The following NPAS3 variants were observed in gnomAD, a reference collection of about 807,000 sequenced individuals.
The protein encoded by NPAS3 is neuronal PAS domain-containing protein 3.
NPAS3 carries 14 observed loss-of-function variants against 73.1 expected under a neutral mutation model. The observed-to-expected ratio is 0.19, with a 90% CI of 0.13 to 0.30. The LOEUF (loss-of-function observed/expected upper bound fraction) is 0.30. Ranked by LOEUF, NPAS3 falls within the 10% of genes least tolerant of loss-of-function variation. The probability of loss-of-function intolerance (pLI) is 1.00; values close to 1 mark genes in which losing one functional copy is unlikely to be tolerated. For synonymous variants in NPAS3, 620 were observed against 541.5 expected, an observed-to-expected ratio of 1.14 and a Z score of -2.01; for missense variants, 1,096 against 1,250.0, an observed-to-expected ratio of 0.88 and a Z score of 1.86.
chr14:33,419,765 T>C (rs2048299052), intron 4 of NPAS3, among the ~76,000 whole-genome samples: 1 of 151,886 alleles, frequency 6.6e-6, no homozygotes, highest in Non-Finnish European at 1.5e-5. Context: ...GTTTGTCTTA[T>C]ATTGATGATG....
intron 2 of NPAS3, among the ~76,000 whole-genome samples, chr14:33,206,460 T>G (rs1232613965): frequency 6.6e-6 from 1 of 152,060 alleles, no homozygotes; most frequent in Non-Finnish European, 1.5e-5. Context: ...GGGATGGGTG[T>G]AGAAAGTTGG....
intron 2 of NPAS3, among the ~76,000 whole-genome samples, chr14:33,116,101 G>A (rs2043057024): frequency 6.6e-6 from 1 of 151,938 alleles, no homozygotes; most frequent in African/African-American, 2.4e-5. Context: ...TAAGCTACTT[G>A]GGTGCCTTTT....
At chr14:33,280,146 G>GGGTACCTGTCCAGGGACC (rs1197704907) in intron 3 of NPAS3, among the ~76,000 whole-genome samples, 8 of 152,014 alleles carry the variant, frequency 5.3e-5, no homozygotes, top group African/African-American at 1.7e-4. Context: ...CCTTGGTAGT[G>GGGTACCTGTCCAGGGACC]GGTACCTGTC....
chr14:33,446,095 A>T (rs1401999150), intron 4 of NPAS3, among the ~76,000 whole-genome samples: 5 of 149,338 alleles, frequency 3.3e-5, no homozygotes, highest in Non-Finnish European at 7.4e-5. Context: ...CATCAACCCC[A>T]CTGAAATCTT....
intron 5 of NPAS3, among the ~76,000 whole-genome samples, chr14:33,579,436 G>C (rs1317494064): frequency 1.3e-5 from 2 of 152,158 alleles, no homozygotes; most frequent in Non-Finnish European, 2.9e-5. Context: ...TCATATTTCA[G>C]TTCCTCAGGA....
At chr14:33,779,908 G>A (rs1220024243) in intron 9 of NPAS3, among the ~76,000 whole-genome samples, 1 of 152,230 alleles carries the variant, frequency 6.6e-6, no homozygotes, top group African/African-American at 2.4e-5. Flanking sequence ...AGCCAGCCAA[G>A]TGGCCTTTGT....
intron 5 of NPAS3, among the ~76,000 whole-genome samples, chr14:33,590,341 T>A (rs1321141412): frequency 2.0e-5 from 3 of 152,160 alleles, no homozygotes; most frequent in Non-Finnish European, 2.9e-5. Context: ...TCAGTATTTA[T>A]ACAAATATAT....
At chr14:33,121,864 C>T (rs941798157) in intron 2 of NPAS3, among the ~76,000 whole-genome samples, 1 of 152,086 alleles carries the variant, frequency 6.6e-6, no homozygotes, top group Non-Finnish European at 1.5e-5. Flanking sequence ...TTGATTATAC[C>T]TCACGTGGAA....
chr14:32,996,595 G>T (rs1218732436), intron 1 of NPAS3, among the ~76,000 whole-genome samples: 1 of 152,136 alleles, frequency 6.6e-6, no homozygotes, highest in African/African-American at 2.4e-5. Flanking sequence ...GGCTGAAAGG[G>T]GCCAGTGTAG....
At chr14:33,131,310 T>G (rs1294121598) in intron 2 of NPAS3, among the ~76,000 whole-genome samples, 2 of 152,174 alleles carry the variant, frequency 1.3e-5, no homozygotes, top group Admixed American at 1.3e-4. Flanking sequence ...TATTCTAGAT[T>G]TATTGATAAT....
intron 1 of NPAS3, among the ~76,000 whole-genome samples, chr14:32,959,336 G>T (rs28497439): frequency 0.38 from 58,347 of 152,034 alleles, 11,683 homozygotes; most frequent in Middle Eastern, 0.51. Flanking sequence ...ATTTAATACA[G>T]TTGTGAGGGT....
chr14:33,796,483 G>T (rs1040778691), intron 10 of NPAS3, among the ~76,000 whole-genome samples: 1 of 152,188 alleles, frequency 6.6e-6, no homozygotes, highest in East Asian at 1.9e-4. Flanking sequence ...AGTAGTTACT[G>T]AAACAGTGAC....
intron 5 of NPAS3, among the ~76,000 whole-genome samples, chr14:33,633,470 T>C (rs551860903): frequency 1.3e-5 from 2 of 152,302 alleles, no homozygotes; most frequent in African/African-American, 2.4e-5. Context: ...GGGAACATCA[T>C]AGAGTGTAGT....
At chr14:33,337,477 C>G (rs554024906) in intron 3 of NPAS3, among the ~76,000 whole-genome samples, 2 of 152,048 alleles carry the variant, frequency 1.3e-5, no homozygotes, top group Non-Finnish European at 2.9e-5. Flanking sequence ...ACCACTTTGT[C>G]TTGATTTCTG....
At chr14:33,611,995 C>T (rs1567053590) in intron 5 of NPAS3, among the ~76,000 whole-genome samples, 1 of 152,148 alleles carries the variant, frequency 6.6e-6, no homozygotes, top group Non-Finnish European at 1.5e-5. Flanking sequence ...GGAAACTGGG[C>T]AGCCTGGCCC....
chr14:33,615,071 A>G (rs1161229973), intron 5 of NPAS3, among the ~76,000 whole-genome samples: 1 of 152,166 alleles, frequency 6.6e-6, no homozygotes, highest in Non-Finnish European at 1.5e-5. Context: ...ATTCTAGGTG[A>G]CAGGAGCATG....
At chr14:33,207,251 ACACACACACACACAC>A (rs2046859998) in intron 2 of NPAS3, among the ~76,000 whole-genome samples, 5 of 39,896 alleles carry the variant, frequency 1.3e-4, no homozygotes, top group Non-Finnish European at 2.5e-4. Context: ...ACACACACAC[ACACACACACACACAC>A]GCACACACAC....
intron 3 of NPAS3, among the ~76,000 whole-genome samples, chr14:33,222,661 C>A (rs1448026108): frequency 6.6e-6 from 1 of 152,138 alleles, no homozygotes; most frequent in Non-Finnish European, 1.5e-5. Flanking sequence ...CATCTTATTC[C>A]TTTTTATATC....
In NPAS3 at chr14:33,367,146, A is replaced by G. The variant is rs374097384; in HGVS notation, c.386-40A>G. On this transcript the variant is annotated intron_variant, in intron 3 of 11. Transcript: ENST00000356141. The stretch of plus-strand genomic sequence containing the variant: ...GCTGAAGATATGAATCAGAGCTCCA[A>G]CTTAATTGTTCTGTTTTCTTTCTTT... 19 of 804,282 alleles carry G rather than the reference A, an allele frequency of 2.4e-5. No individual in the cohort carries two copies. The African/African-American group carries it at 2.9e-4, about 12-fold the overall frequency. The allele number at this position is 804,282 out of a possible 1,614,324, so 49.8% of individuals were successfully genotyped here. A position where few individuals can be genotyped will look rare whatever the true frequency, so the allele number is the denominator to read the frequency against.
Sources: gnomAD v4.1 joint callset for allele counts (sites outside exome capture counted in the v4.1 genomes callset) on GRCh38, gnomAD v4.1.1 for gene constraint, MANE v1.5 for transcripts, NCBI Gene and HGNC (gene_info 2026-07-23, HGNC 2026-07-21) for gene names.